The following FAM216A variants were observed in gnomAD, a reference collection of about 807,000 sequenced individuals.
FAM216A encodes the protein family with sequence similarity 216 member A, also known as protein FAM216A.
In FAM216A, 26 loss-of-function variants were observed where a neutral mutation model predicts 37.6. That is an observed-to-expected ratio of 0.69 (90% CI 0.51 to 0.96). The LOEUF (loss-of-function observed/expected upper bound fraction) is 0.96, where lower values mean the gene tolerates loss of function less well. Ranked by LOEUF, FAM216A falls within the 40% of genes least tolerant of loss-of-function variation. The pLI is 0.00. For synonymous variants in FAM216A, 110 were observed against 121.7 expected, an observed-to-expected ratio of 0.90 and a Z score of 0.64; for missense variants, 326 against 339.3, an observed-to-expected ratio of 0.96 and a Z score of 0.31.
chr12:110,471,874 G>A (rs2135540401), intron 1 of FAM216A, among the ~76,000 whole-genome samples: 1 of 152,304 alleles, frequency 6.6e-6, no homozygotes, highest in South Asian at 2.1e-4. Context: ...AAAAGAATTT[G>A]TACGAAATTA....
rs1258569608 is a variant in FAM216A, at chr12:110,469,037, G to A, written c.143+19G>A. 2 of 1,438,172 alleles carry A rather than the reference G, an allele frequency of 1.4e-6. No homozygotes were observed. Among genetic ancestry groups the A allele is most frequent in the Non-Finnish European group, 1.8e-6 (2 of 1,097,788 alleles). 89.1% of individuals were successfully genotyped at this position (1,438,172 alleles called of 1,614,324 possible). A position where few individuals can be genotyped will look rare whatever the true frequency, so the allele number is the denominator to read the frequency against. ...GCGGCGGGTGAGGTTGGGGGCCCCG[G>A]GGTAAGGGTGGCAGCATGGGGCCCC... is the stretch of plus-strand genomic sequence containing the variant. On this transcript the variant is annotated intron_variant, in intron 1 of 6. Transcript: ENST00000377673.
intron 2 of FAM216A, among the ~76,000 whole-genome samples, chr12:110,476,987 T>G (rs1277219913): frequency 6.6e-6 from 1 of 151,994 alleles, no homozygotes; most frequent in East Asian, 1.9e-4. Flanking sequence ...CTTCAAGTAG[T>G]TGGGACTACA....
intron 2 of FAM216A, among the ~76,000 whole-genome samples, chr12:110,483,330 C>CAAAAA (rs916383892): frequency 8.3e-6 from 1 of 120,916 alleles, no homozygotes; most frequent in African/African-American, 3.5e-5. Flanking sequence ...GACTCCTTCT[C>CAAAAA]AAAAAAAAAA....
chr12:110,489,047 A>C (rs1176555854), intron 6 of FAM216A, among the ~76,000 whole-genome samples: 2 of 152,196 alleles, frequency 1.3e-5, no homozygotes, highest in Non-Finnish European at 1.5e-5. Context: ...CAGACTTTGG[A>C]AGGATCAGCA....
rs773836217 is a variant in FAM216A at position 110,473,103 on chromosome 12, A to C, written c.169A>C (p.Asn57His). The C allele has an allele frequency of 6.4e-7, 1 of 1,565,746 alleles. No homozygotes were observed. Among genetic ancestry groups the C allele is most frequent in the Non-Finnish European group, 8.7e-7 (1 of 1,146,610 alleles). Residue 57 changes from asparagine (N) to histidine (H), a missense_variant, in exon 2 of 7, where the codon AAT becomes CAT. Physicochemically the swap from Asn to His is moderately conservative, Grantham distance 68. Coordinates refer to ENST00000377673, the MANE Select transcript of FAM216A (RefSeq NM_013300.3). Reference sequence around the variant, plus strand: ...ATCAGCTGGATACTCTTGTTACCAGAATTCCAAAGGTTCTGGTGAGTAGTG... The same window carrying C: ...ATCAGCTGGATACTCTTGTTACCAGCATTCCAAAGGTTCTGGTGAGTAGTG... ...GGSAGYSCYQ[N>H]SKGSDRIKDG... is the part of the protein sequence containing the mutation.
chr12:110,480,835 G>C (rs1273267077), intron 2 of FAM216A, among the ~76,000 whole-genome samples: 1 of 151,202 alleles, frequency 6.6e-6, no homozygotes, highest in Non-Finnish European at 1.5e-5. Flanking sequence ...CCAGGAGTTT[G>C]AGACCAGCCT....
In FAM216A at chr12:110,489,310, G is replaced by T. The variant is rs1017379482; in HGVS notation, c.704-709G>T. Among the ~76,000 whole-genome samples, 11 of 152,218 alleles carry T rather than the reference G, an allele frequency of 7.2e-5. No homozygotes were observed. In the South Asian group the frequency reaches 2.1e-3, roughly 29 times the overall value. ...ACCTGAGGTCAGGAGTTCGAGAGCAGCCTGACCAACATGGAGAAACCCTGT... is the reference window on the plus strand; with the variant it reads ...ACCTGAGGTCAGGAGTTCGAGAGCATCCTGACCAACATGGAGAAACCCTGT... On this transcript the variant is annotated intron_variant, in intron 6 of 6. Transcript: ENST00000377673.
At chr12:110,468,794 C>T, upstream of FAM216A, 3 of 1,457,288 alleles carry the variant, frequency 2.1e-6, no homozygotes, top group South Asian at 1.4e-5. Context: ...GTCCGAACGG[C>T]TTCGGAGGGG....
At chr12:110,477,099 T>C (rs2062718673) in intron 2 of FAM216A, among the ~76,000 whole-genome samples, 1 of 152,226 alleles carries the variant, frequency 6.6e-6, no homozygotes, top group South Asian at 2.1e-4. Flanking sequence ...CTTATGTCCT[T>C]CTAGCAGGAA....
At chr12:110,476,736 C>T (rs1268395704) in intron 2 of FAM216A, among the ~76,000 whole-genome samples, 1 of 151,758 alleles carries the variant, frequency 6.6e-6, no homozygotes, top group Non-Finnish European at 1.5e-5. Flanking sequence ...CCATATTGGC[C>T]AGGCTGGTCT....
chr12:110,473,051 T>A (rs2062695631), intron 1 of FAM216A, 27 bp from the exon 2 acceptor site: 3 of 1,317,810 alleles, frequency 2.3e-6, no homozygotes, highest in Admixed American at 2.0e-5. Flanking sequence ...TATTACATAT[T>A]ATTTATATGC....
chr12:110,469,058 G>A lies in FAM216A; in HGVS notation c.143+40G>A, dbSNP rs1036370759. ...CCCGGGGTAAGGGTGGCAGCATGGGGCCCCCGGGTCGTGAGGCCCCCGGGT... is the reference window on the plus strand; with the variant it reads ...CCCGGGGTAAGGGTGGCAGCATGGGACCCCCGGGTCGTGAGGCCCCCGGGT... On this transcript the variant is annotated intron_variant, in intron 1 of 6. Transcript: ENST00000377673. 6.5e-6 allele frequency: 9 copies of A among 1,390,824 alleles called. No individual in the cohort carries two copies. In the African/African-American group the frequency reaches 1.4e-4, roughly 21 times the overall value. 86.2% of individuals were successfully genotyped at this position (1,390,824 alleles called of 1,614,324 possible). A position where few individuals can be genotyped will look rare whatever the true frequency, so the allele number is the denominator to read the frequency against.
intron 2 of FAM216A, among the ~76,000 whole-genome samples, chr12:110,475,263 A>T (rs2062708433): frequency 6.6e-6 from 1 of 152,126 alleles, no homozygotes; most frequent in Admixed American, 6.6e-5. Context: ...TATTTTTGAG[A>T]CGGAGTCTCA....
At chr12:110,483,543 G>A (rs901397096) in intron 2 of FAM216A, among the ~76,000 whole-genome samples, 20 of 152,078 alleles carry the variant, frequency 1.3e-4, no homozygotes, top group African/African-American at 4.8e-4. Flanking sequence ...AATGAAATAC[G>A]CTGGGCATGG....
intron 2 of FAM216A, among the ~76,000 whole-genome samples, chr12:110,484,303 T>G (rs2062763825): frequency 2.0e-5 from 3 of 151,360 alleles, no homozygotes. Context: ...GGCAGGTGCC[T>G]GTAGTCCCAG....
chr12:110,485,860 TAG>T (rs1253687916), intron 3 of FAM216A, among the ~76,000 whole-genome samples: 1 of 152,214 alleles, frequency 6.6e-6, no homozygotes, highest in Non-Finnish European at 1.5e-5. Context: ...CAAAATTACT[TAG>T]AGACTAACAT....
intron 2 of FAM216A, among the ~76,000 whole-genome samples, chr12:110,474,276 TAAA>T (rs2062703371): frequency 6.6e-6 from 1 of 151,914 alleles, no homozygotes; most frequent in East Asian, 1.9e-4. Context: ...TGGAGGGAAA[TAAA>T]GAAATATTAA....
At chr12:110,468,772 T>C (rs1261346894), upstream of FAM216A, 9 of 1,472,862 alleles carry the variant, frequency 6.1e-6, no homozygotes, top group Admixed American at 4.6e-5. Flanking sequence ...CTCCCGAAGC[T>C]GTTCGGGCAG....
chr12:110,482,652 G>T (rs563772372), intron 2 of FAM216A, among the ~76,000 whole-genome samples: 1 of 151,430 alleles, frequency 6.6e-6, no homozygotes, highest in Non-Finnish European at 1.5e-5. Context: ...AAAATTAGCC[G>T]GGCGCAGTGG....
Sources: allele counts gnomAD v4.1 joint callset (sites outside exome capture counted in the v4.1 genomes callset), GRCh38; gene constraint gnomAD v4.1.1; transcripts MANE v1.5; gene names NCBI Gene and HGNC (gene_info 2026-07-23, HGNC 2026-07-21).